MAML3: variants seen among roughly 807,000 people sequenced by gnomAD.
MAML3 encodes mastermind like transcriptional coactivator 3, also known as mastermind-like protein 3.
A neutral mutation model predicts 101.9 loss-of-function variants in MAML3; 27 were observed. That is an observed-to-expected ratio of 0.27 (90% CI 0.20 to 0.37). MAML3 has a LOEUF of 0.37. Among genes scored for constraint, MAML3 ranks in the 10% least tolerant of loss-of-function variants. The pLI, the probability that MAML3 is intolerant of heterozygous loss-of-function variation, is 1.00. For synonymous variants in MAML3, 501 were observed against 555.9 expected (o/e 0.90, Z 1.39); for missense variants, 1,316 against 1,444.9 (o/e 0.91, Z 1.45).
intron 1 of MAML3, among the ~76,000 whole-genome samples, chr4:139,933,330 C>T (rs1733439656): frequency 6.6e-6 from 1 of 152,134 alleles, no homozygotes; most frequent in Admixed American, 6.5e-5. Flanking sequence ...TTAGAGCCAA[C>T]CTCTTTGTCC....
chr4:139,734,738 G>C (rs1354587358), intron 2 of MAML3, among the ~76,000 whole-genome samples: 1 of 152,244 alleles, frequency 6.6e-6, no homozygotes, highest in Non-Finnish European at 1.5e-5. Context: ...TGTGCGTAGG[G>C]AAGCTTTATT....
chr4:139,982,546 C>T (rs1734462272), intron 1 of MAML3, among the ~76,000 whole-genome samples: 1 of 152,150 alleles, frequency 6.6e-6, no homozygotes, highest in Non-Finnish European at 1.5e-5. Context: ...GGAATATATA[C>T]ATGAATGCTA....
chr4:139,736,815 A>G (rs1232864982), intron 2 of MAML3, among the ~76,000 whole-genome samples: 1 of 152,206 alleles, frequency 6.6e-6, no homozygotes, highest in East Asian at 1.9e-4. Context: ...ATAGAGAATC[A>G]TTGGGGCAAA....
intron 2 of MAML3, among the ~76,000 whole-genome samples, chr4:139,874,930 A>C (rs917924776): frequency 6.6e-6 from 1 of 151,230 alleles, no homozygotes; most frequent in Non-Finnish European, 1.5e-5. Flanking sequence ...CAGCCTCCCG[A>C]GTAGCTGGAA....
intron 1 of MAML3, among the ~76,000 whole-genome samples, chr4:139,996,660 T>C (rs139508678): frequency 6.8e-6 from 1 of 146,578 alleles, no homozygotes; most frequent in Non-Finnish European, 1.5e-5. Flanking sequence ...AAAAGTAACG[T>C]TTCTATGGAC....
intron 1 of MAML3, among the ~76,000 whole-genome samples, chr4:140,021,831 G>C (rs1234427108): frequency 2.6e-5 from 4 of 152,200 alleles, no homozygotes; most frequent in Non-Finnish European, 4.4e-5. Context: ...GAATCCCACT[G>C]CCCCATCAGG....
At chr4:140,048,147 A>C (rs1342925570) in intron 1 of MAML3, among the ~76,000 whole-genome samples, 1 of 152,136 alleles carries the variant, frequency 6.6e-6, no homozygotes, top group Non-Finnish European at 1.5e-5. Flanking sequence ...TGTGATCCTG[A>C]GTGAGTGGAC....
chr4:139,770,849 T>C (rs1054763661), intron 2 of MAML3, among the ~76,000 whole-genome samples: 2 of 152,116 alleles, frequency 1.3e-5, no homozygotes, highest in African/African-American at 2.4e-5. Flanking sequence ...TAAAGCAAAA[T>C]GTATCCAGCA....
At chr4:140,091,933 G>A (rs1433801962) in intron 1 of MAML3, among the ~76,000 whole-genome samples, 2 of 151,856 alleles carry the variant, frequency 1.3e-5, no homozygotes, top group African/African-American at 4.8e-5. Context: ...GCAGGCCATA[G>A]TTTTATTTAT....
chr4:140,124,976 T>C (rs1355670867), intron 1 of MAML3, among the ~76,000 whole-genome samples: 1 of 152,180 alleles, frequency 6.6e-6, no homozygotes, highest in Non-Finnish European at 1.5e-5. Flanking sequence ...AGCAACAAAT[T>C]CTTCCAAAAG....
chr4:139,989,882 CAGAGAG>C (rs141031028), intron 1 of MAML3, among the ~76,000 whole-genome samples: 13 of 63,130 alleles, frequency 2.1e-4, no homozygotes, highest in African/African-American at 7.5e-4. Flanking sequence ...CACACACACA[CAGAGAG>C]AGAGAGAGAG....
intron 1 of MAML3, among the ~76,000 whole-genome samples, chr4:139,999,146 C>A (rs111590323): frequency 2.6e-5 from 4 of 152,118 alleles, no homozygotes; most frequent in African/African-American, 9.7e-5. Flanking sequence ...CTGCTGCATA[C>A]GTGGGCAGCC....
chr4:140,114,801 G>C (rs1428870242), intron 1 of MAML3, among the ~76,000 whole-genome samples: 1 of 152,162 alleles, frequency 6.6e-6, no homozygotes, highest in Non-Finnish European at 1.5e-5. Flanking sequence ...GAATACTGTG[G>C]AGTGTACCTT....
chr4:140,063,630 T>C (rs1200388654), intron 1 of MAML3, among the ~76,000 whole-genome samples: 1 of 152,166 alleles, frequency 6.6e-6, no homozygotes, highest in Non-Finnish European at 1.5e-5. Flanking sequence ...AGTTATTATT[T>C]AAGCTTGTTT....
At position 139,743,182 on chromosome 4, in the gene MAML3, G is replaced by A. The variant is rs529961139; in HGVS notation, c.2080-12515C>T. 1.6e-4 allele frequency among the ~76,000 whole-genome samples: 24 copies of A among 152,296 alleles called. No individual in the cohort carries two copies. In the East Asian group the frequency reaches 2.1e-3, roughly 13 times the overall value. On this transcript the variant is annotated intron_variant, in intron 2 of 4. Coordinates refer to ENST00000509479, the MANE Select transcript of MAML3 (RefSeq NM_018717.5). ...TACACGTCTCCACCTAAAGTTACAC[G>A]CCTCCTTTAAGAGCTGCTGCAACCA... is the stretch of plus-strand genomic sequence containing the variant.
intron 2 of MAML3, among the ~76,000 whole-genome samples, chr4:139,733,677 A>G (rs1223144008): frequency 1.3e-5 from 2 of 151,700 alleles, no homozygotes; most frequent in African/African-American, 2.4e-5. Flanking sequence ...GAAGGGCTGT[A>G]TGTATTATTT....
chr4:139,978,781 C>T (rs1235674379), intron 1 of MAML3, among the ~76,000 whole-genome samples: 1 of 152,096 alleles, frequency 6.6e-6, no homozygotes, highest in Non-Finnish European at 1.5e-5. Context: ...CCATGGATGA[C>T]ATCCCCCCCA....
chr4:139,830,408 CTATTTTT>C (rs1344217882), intron 2 of MAML3, among the ~76,000 whole-genome samples: 119 of 143,586 alleles, frequency 8.3e-4, no homozygotes, highest in African/African-American at 3.2e-3. Context: ...GCACGCTGTG[CTATTTTT>C]TTTTTTTTTT....
chr4:140,057,766 A>C (rs185438981), intron 1 of MAML3, among the ~76,000 whole-genome samples: 4 of 152,320 alleles, frequency 2.6e-5, no homozygotes, highest in African/African-American at 9.6e-5. Flanking sequence ...CATGTCTTCC[A>C]GGTCTCCAAG....
Sources: gnomAD v4.1 joint callset for allele counts (sites outside exome capture counted in the v4.1 genomes callset) on GRCh38, gnomAD v4.1.1 for gene constraint, MANE v1.5 for transcripts, NCBI Gene and HGNC (gene_info 2026-07-23, HGNC 2026-07-21) for gene names.